CDC42SE2: variants seen among roughly 807,000 people sequenced by gnomAD.
CDC42SE2 encodes CDC42 small effector protein 2.
Under a neutral mutation model 11.5 loss-of-function variants are expected in CDC42SE2, and 3 were observed. That is an observed-to-expected ratio of 0.26 (90% CI 0.12 to 0.67). CDC42SE2 has a LOEUF of 0.67. Ranked by LOEUF, CDC42SE2 falls within the 30% of genes least tolerant of loss-of-function variation. The pLI is 0.80. For missense variants in CDC42SE2, 82 were observed against 106.8 expected (o/e 0.77, Z 1.02); for synonymous variants, 33 against 34.8 (o/e 0.95, Z 0.18).
At chr5:131,276,229 T>C (rs1757098181) in intron 1 of CDC42SE2, among the ~76,000 whole-genome samples, 1 of 150,372 alleles carries the variant, frequency 6.7e-6, no homozygotes, top group Admixed American at 6.6e-5. Context: ...AGTGGATTGC[T>C]TGAGCTCAGG....
upstream of CDC42SE2, among the ~76,000 whole-genome samples, chr5:131,243,640 G>T (rs865790338): frequency 5.2e-4 from 79 of 152,240 alleles, no homozygotes; most frequent in African/African-American, 1.8e-3. Flanking sequence ...TTTTCATTTT[G>T]CACAGGGCCC....
chr5:131,389,458 G>C (rs1750586367), intron 4 of CDC42SE2, among the ~76,000 whole-genome samples: 1 of 152,204 alleles, frequency 6.6e-6, no homozygotes, highest in Non-Finnish European at 1.5e-5. Flanking sequence ...GATGTTCCAT[G>C]TAAGTAAATT....
exon 1 of CDC42SE2, chr5:131,245,518 C>G (rs1434048834): frequency 2.0e-5 from 3 of 152,200 alleles, no homozygotes; most frequent in Non-Finnish European, 2.9e-5. Context: ...CTGCTGTCCC[C>G]TGGTCTAGTT....
At chr5:131,234,598 T>C in the CDC42SE2 span, among the ~76,000 whole-genome samples, 2 of 148,020 alleles carry the variant, frequency 1.4e-5, no homozygotes, top group African/African-American at 5.0e-5. Context: ...ATCGTGCCAC[T>C]GCACTCCAGC....
chr5:131,372,681 C>G (rs1278092919), intron 3 of CDC42SE2, among the ~76,000 whole-genome samples: 1 of 151,946 alleles, frequency 6.6e-6, no homozygotes, highest in South Asian at 2.1e-4. Flanking sequence ...CCACTGCACT[C>G]CTGCCTGGGT....
intron 1 of CDC42SE2, among the ~76,000 whole-genome samples, 194 bp downstream of exon 1, chr5:131,264,360 A>G (rs1462200120): frequency 6.6e-6 from 1 of 152,112 alleles, no homozygotes; most frequent in Non-Finnish European, 1.5e-5. Context: ...CGAGGTCCTC[A>G]TGCCCTAGGA....
chr5:131,387,738 C>T (rs767330930), intron 4 of CDC42SE2, among the ~76,000 whole-genome samples: 1 of 152,110 alleles, frequency 6.6e-6, no homozygotes. Flanking sequence ...GCTTGCACAC[C>T]TGCCTCTTAA....
At chr5:131,337,151 G>C (rs1457331516) in intron 2 of CDC42SE2, among the ~76,000 whole-genome samples, 1 of 152,112 alleles carries the variant, frequency 6.6e-6, no homozygotes, top group African/African-American at 2.4e-5. Context: ...TTTTTGGTGT[G>C]GATGTCCTTT....
intron 2 of CDC42SE2, among the ~76,000 whole-genome samples, chr5:131,322,989 G>A (rs750767326): frequency 6.6e-6 from 1 of 151,936 alleles, no homozygotes; most frequent in African/African-American, 2.4e-5. Flanking sequence ...TTCTTTCATA[G>A]TAGCCATCCT....
intron 3 of CDC42SE2, among the ~76,000 whole-genome samples, chr5:131,362,795 A>T (rs1464201941): frequency 4.6e-5 from 7 of 152,182 alleles, no homozygotes. Flanking sequence ...TGCTAGATAT[A>T]GCTAAGGTTG....
intron 1 of CDC42SE2, among the ~76,000 whole-genome samples, chr5:131,297,956 C>G (rs369192524): frequency 4.0e-5 from 6 of 151,744 alleles, no homozygotes; most frequent in Non-Finnish European, 7.4e-5. Flanking sequence ...AGTTAATACA[C>G]GAAAACGTAA....
chr5:131,385,079 G>C (rs1412882960), intron 3 of CDC42SE2, among the ~76,000 whole-genome samples: 2 of 151,916 alleles, frequency 1.3e-5, no homozygotes, highest in African/African-American at 2.4e-5. Context: ...TGAAATGACA[G>C]ATTCATTTTA....
intron 1 of CDC42SE2, among the ~76,000 whole-genome samples, chr5:131,298,690 C>A (rs1012570414): frequency 6.6e-6 from 1 of 151,982 alleles, no homozygotes; most frequent in South Asian, 2.1e-4. Flanking sequence ...ATCTTTGGTA[C>A]CCCATAACAA....
the CDC42SE2 span, among the ~76,000 whole-genome samples, chr5:131,232,924 T>C: frequency 6.6e-6 from 1 of 151,200 alleles, no homozygotes; most frequent in South Asian, 2.1e-4. Context: ...TTGACTAGGC[T>C]GCACACAGTA....
the CDC42SE2 span, among the ~76,000 whole-genome samples, chr5:131,219,322 A>G: frequency 6.6e-6 from 1 of 152,212 alleles, no homozygotes; most frequent in East Asian, 1.9e-4. Flanking sequence ...TAAGCCTACA[A>G]TCCTCTAATA....
rs865927119 is a variant in CDC42SE2 at position 131,264,116 on chromosome 5, C to G, written c.-505C>G. On this transcript the variant is annotated 5_prime_UTR_variant, in exon 1 of 5. Transcript: ENST00000505065. ...GTTGGGGCGGCAGGAGCCGCGGAGC[C>G]GGCGCTGAGAGGGGCTGCGGCCGGA... 1 of 152,314 alleles carries G rather than the reference C, an allele frequency of 6.6e-6. No homozygotes were observed. The highest frequency in any genetic ancestry group is 1.5e-5 in the Non-Finnish European group (1 of 68,208). The allele number at this position is 152,314 out of a possible 1,614,324, so 9.4% of individuals were successfully genotyped here.
intron 3 of CDC42SE2, among the ~76,000 whole-genome samples, chr5:131,369,775 C>G (rs1390749779): frequency 1.3e-5 from 2 of 152,184 alleles, no homozygotes; most frequent in East Asian, 3.8e-4. Flanking sequence ...CTTCCACACC[C>G]TTTGTCATCA....
intron 3 of CDC42SE2, among the ~76,000 whole-genome samples, chr5:131,369,102 T>G (rs1749942444): frequency 1.3e-5 from 2 of 152,170 alleles, no homozygotes; most frequent in African/African-American, 2.4e-5. Context: ...CCTTGTTGTG[T>G]TTTACGATTT....
chr5:131,376,521 A>G (rs1222638041), intron 3 of CDC42SE2, among the ~76,000 whole-genome samples: 4 of 152,060 alleles, frequency 2.6e-5, no homozygotes, highest in African/African-American at 9.7e-5. Context: ...TTTGAGGTTC[A>G]GGGGGTACAT....
Sources: allele counts gnomAD v4.1 joint callset (sites outside exome capture counted in the v4.1 genomes callset), GRCh38; gene constraint gnomAD v4.1.1; transcripts MANE v1.5; gene names NCBI Gene and HGNC (gene_info 2026-07-23, HGNC 2026-07-21).